AGMO: variants seen among roughly 807,000 people sequenced by gnomAD.
AGMO encodes the protein glyceryl-ether monooxygenase.
A neutral mutation model predicts 60.2 loss-of-function variants in AGMO; 75 were observed. The observed-to-expected ratio is 1.25, with a 90% confidence interval of 1.03 to 1.51. AGMO has a LOEUF of 1.51. AGMO is among the 40% of genes most tolerant of loss of function. AGMO has a pLI of 0.00. For synonymous variants in AGMO, 261 were observed against 177.1 expected (o/e 1.47, Z -3.76); for missense variants, 763 against 525.5 (o/e 1.45, Z -4.42).
intron 12 of AGMO, among the ~76,000 whole-genome samples, chr7:15,346,928 T>A (rs943961167): frequency 6.6e-6 from 1 of 152,024 alleles, no homozygotes; most frequent in Non-Finnish European, 1.5e-5. Context: ...GAAAAACGAC[T>A]CTTTGGAGTG....
chr7:15,279,473 T>G (rs1490945833), intron 12 of AGMO, among the ~76,000 whole-genome samples: 1 of 152,222 alleles, frequency 6.6e-6, no homozygotes, highest in Non-Finnish European at 1.5e-5. Context: ...CTGGTTGTTT[T>G]TTTTTATTTT....
At chr7:15,522,693 A>G (rs779443183) in intron 3 of AGMO, among the ~76,000 whole-genome samples, 1 of 152,082 alleles carries the variant, frequency 6.6e-6, no homozygotes, top group Non-Finnish European at 1.5e-5. Flanking sequence ...ACAAAAATTA[A>G]CTCGAGATTT....
intron 12 of AGMO, among the ~76,000 whole-genome samples, chr7:15,224,996 C>A (rs977401138): frequency 1.4e-4 from 21 of 151,870 alleles, no homozygotes; most frequent in African/African-American, 5.1e-4. Context: ...AAATAAATGT[C>A]CTAATTCACA....
chr7:15,128,670 A>G, the AGMO span, among the ~76,000 whole-genome samples: 4 of 152,224 alleles, frequency 2.6e-5, no homozygotes, highest in East Asian at 3.9e-4. Context: ...TAGAAAAAAG[A>G]AAGTTACCCA....
chr7:15,473,827 T>TCTC (rs1782519493), intron 3 of AGMO, among the ~76,000 whole-genome samples: 1 of 151,776 alleles, frequency 6.6e-6, no homozygotes, highest in Non-Finnish European at 1.5e-5. Flanking sequence ...CAGCCTAAAA[T>TCTC]CTTAAGCTGA....
rs1393233435 is a variant in AGMO at position 15,326,206 on chromosome 7, TAC to T, written c.1263+39306_1263+39307del. 7.9e-5 allele frequency among the ~76,000 whole-genome samples: 12 copies of T among 152,294 alleles called. No individual in the cohort carries two copies. The East Asian group carries it at 1.4e-3, about 17-fold the overall frequency. On this transcript the variant is annotated intron_variant, in intron 12 of 12. Coordinates refer to ENST00000342526, the MANE Select transcript of AGMO (RefSeq NM_001004320.2). Reference sequence around the variant, plus strand: ...GGGGGTTAAGGAAAATGATAAAACTTACAGTTAACTTTTACCACTAGATGGAG... The same window carrying T: ...GGGGGTTAAGGAAAATGATAAAACTTAGTTAACTTTTACCACTAGATGGAG...
chr7:15,294,459 C>T (rs1348292277), intron 12 of AGMO, among the ~76,000 whole-genome samples: 1 of 151,308 alleles, frequency 6.6e-6, no homozygotes, highest in African/African-American at 2.4e-5. Context: ...ATTTAACATA[C>T]CAATAATTTC....
chr7:15,430,893 C>T (rs1449555263), intron 4 of AGMO, 112 bp downstream of exon 4: 1 of 599,750 alleles, frequency 1.7e-6, no homozygotes, highest in Non-Finnish European at 2.7e-6. Flanking sequence ...AAGAGAGAAG[C>T]ATTTTAGTAA....
intron 3 of AGMO, among the ~76,000 whole-genome samples, chr7:15,476,716 C>T (rs1384605149): frequency 1.3e-5 from 2 of 152,010 alleles, no homozygotes; most frequent in African/African-American, 4.8e-5. Context: ...ATTATGTCGG[C>T]TGGACTTTAA....
chr7:15,338,227 T>C (rs1316064052), intron 12 of AGMO, among the ~76,000 whole-genome samples: 1 of 152,200 alleles, frequency 6.6e-6, no homozygotes, highest in Non-Finnish European at 1.5e-5. Context: ...TGGCATTTAG[T>C]ATATTCATGT....
chr7:15,455,155 T>G (rs1781968329), intron 3 of AGMO, among the ~76,000 whole-genome samples: 3 of 151,816 alleles, frequency 2.0e-5, no homozygotes, highest in Admixed American at 2.0e-4. Flanking sequence ...ATATTATCAT[T>G]ATTTTTGGTA....
At chr7:15,350,008 T>C (rs753021486) in intron 12 of AGMO, among the ~76,000 whole-genome samples, 2 of 152,188 alleles carry the variant, frequency 1.3e-5, no homozygotes, top group Non-Finnish European at 2.9e-5. Context: ...TTAATATTTT[T>C]TATATCCCAC....
intron 12 of AGMO, among the ~76,000 whole-genome samples, chr7:15,223,290 T>C (rs982058836): frequency 6.6e-5 from 10 of 152,052 alleles, no homozygotes; most frequent in African/African-American, 2.2e-4. Context: ...TTACTAGAAA[T>C]ACCATCATTA....
intron 5 of AGMO, among the ~76,000 whole-genome samples, chr7:15,394,685 C>T (rs1477720728): frequency 1.3e-5 from 2 of 152,194 alleles, no homozygotes; most frequent in East Asian, 3.9e-4. Flanking sequence ...AGAGTGAAAA[C>T]AACTGTGTTA....
chr7:15,185,416 A>G, the AGMO span, among the ~76,000 whole-genome samples: 1 of 151,530 alleles, frequency 6.6e-6, no homozygotes, highest in African/African-American at 2.4e-5. Context: ...TGAAAAAACT[A>G]CCTATGAACA....
chr7:15,132,766 C>G, the AGMO span, among the ~76,000 whole-genome samples: 1 of 152,108 alleles, frequency 6.6e-6, no homozygotes, highest in East Asian at 1.9e-4. Context: ...GAAAATTAAA[C>G]CATAGATAAA....
intron 12 of AGMO, among the ~76,000 whole-genome samples, chr7:15,315,686 A>T (rs1278037442): frequency 6.6e-6 from 1 of 152,078 alleles, no homozygotes; most frequent in Non-Finnish European, 1.5e-5. Flanking sequence ...TCTAGTTCTA[A>T]AATTAATAGA....
At chr7:15,547,759 G>C (rs538566338) in intron 2 of AGMO, among the ~76,000 whole-genome samples, 7 of 150,612 alleles carry the variant, frequency 4.6e-5, no homozygotes, top group South Asian at 2.1e-4. Flanking sequence ...GCCATTGCCC[G>C]GGCTTGATTA....
intron 12 of AGMO, among the ~76,000 whole-genome samples, chr7:15,212,406 C>G (rs1032463433): frequency 1.3e-5 from 2 of 151,748 alleles, no homozygotes; most frequent in Admixed American, 6.6e-5. Context: ...TTATGCCAGG[C>G]CTTTCACTCT....
Sources: gnomAD v4.1 joint callset for allele counts (sites outside exome capture counted in the v4.1 genomes callset) on GRCh38, gnomAD v4.1.1 for gene constraint, MANE v1.5 for transcripts, NCBI Gene and HGNC (gene_info 2026-07-23, HGNC 2026-07-21) for gene names.